Variants in UBASH3B observed in about 807,000 individuals in gnomAD.
The protein encoded by UBASH3B is ubiquitin associated and SH3 domain containing B, also known as ubiquitin-associated and SH3 domain-containing protein B.
UBASH3B carries 37 observed loss-of-function variants against 83.4 expected under a neutral mutation model. The ratio of observed to expected loss-of-function variants is 0.44; its 90% CI spans 0.34 to 0.58. UBASH3B has a LOEUF of 0.58. UBASH3B is among the 20% of genes least tolerant of loss of function. The pLI is 0.01. For synonymous variants in UBASH3B, 304 were observed against 318.3 expected (o/e 0.96, Z 0.48); for missense variants, 657 against 827.2 (o/e 0.79, Z 2.52).
chr11:122,723,825 G>A (rs1457617632), intron 1 of UBASH3B, among the ~76,000 whole-genome samples: 1 of 152,250 alleles, frequency 6.6e-6, no homozygotes, highest in Non-Finnish European at 1.5e-5. Context: ...GTAATAGGAA[G>A]GAGGCAGGGT....
intron 1 of UBASH3B, among the ~76,000 whole-genome samples, chr11:122,679,167 A>G (rs1273584509): frequency 6.6e-6 from 1 of 152,118 alleles, no homozygotes; most frequent in East Asian, 1.9e-4. Flanking sequence ...GAGTTGGGCA[A>G]CTGGACATGT....
At chr11:122,725,981 T>C (rs150343864) in intron 1 of UBASH3B, among the ~76,000 whole-genome samples, 2,470 of 152,254 alleles carry the variant, frequency 0.016, 69 homozygotes, top group African/African-American at 0.055. Context: ...CGTGAGCCAC[T>C]GCACCCGGCC....
chr11:122,705,728 C>T (rs545446047), intron 1 of UBASH3B, among the ~76,000 whole-genome samples: 4 of 152,164 alleles, frequency 2.6e-5, no homozygotes, highest in Non-Finnish European at 5.9e-5. Context: ...CATCCACTGC[C>T]ATCTACCACC....
chr11:122,687,115 C>T (rs371181967), intron 1 of UBASH3B, among the ~76,000 whole-genome samples: 7 of 152,270 alleles, frequency 4.6e-5, no homozygotes, highest in South Asian at 2.1e-4. Flanking sequence ...GCTATCCACT[C>T]GCCTTGGCCT....
Position 122,809,897 on chromosome 11 carries a change from T to G in UBASH3B, c.*11T>G. On this transcript the variant is annotated 3_prime_UTR_variant, in exon 14 of 14. Transcript: ENST00000284273. ...TTGCTTCAAGAATAAACCACACCAG[T>G]GAACAAGAAGGAAAGGCCTTTTGGA... 2 of 1,611,962 alleles carry G rather than the reference T, an allele frequency of 1.2e-6. No homozygotes were observed. Among genetic ancestry groups the G allele is most frequent in the Non-Finnish European group, 8.5e-7 (1 of 1,179,492 alleles).
chr11:122,667,037 CTTTTTTTT>C (rs148029449), intron 1 of UBASH3B, among the ~76,000 whole-genome samples: 3 of 101,544 alleles, frequency 3.0e-5, no homozygotes, highest in African/African-American at 1.1e-4. Context: ...TAATGGCATT[CTTTTTTTT>C]TTTTTTTTTT....
Position 122,806,460 on chromosome 11 carries a change from A to G in UBASH3B, c.1646A>G (p.Tyr549Cys). 3 of 1,606,934 alleles carry G rather than the reference A, an allele frequency of 1.9e-6. No individual in the cohort carries two copies. The highest frequency in any genetic ancestry group is 8.5e-7 in the Non-Finnish European group (1 of 1,177,714). Residue 549 changes from tyrosine to cysteine, a missense_variant, in exon 12 of 14, where the codon TAT becomes TGT. Coordinates refer to ENST00000284273, the MANE Select transcript of UBASH3B (RefSeq NM_032873.5). This position sits in a 1 kb window ranked among gnomAD's most constrained non-coding sequence, Gnocchi z 4.0. ...KLVVSESYDT[Y>C]ISRSFQVTKE... ...GTTGTTTCAGAATCCTATGATACTT[A>G]TATCAGTAGAAGTTTCCAAGTAACA...
chr11:122,718,103 G>A (rs985874156), intron 1 of UBASH3B, among the ~76,000 whole-genome samples: 4 of 151,926 alleles, frequency 2.6e-5, no homozygotes, highest in African/African-American at 9.7e-5. Flanking sequence ...TGTATTTTTA[G>A]TAGTAGAGAC....
chr11:122,783,366 C>A, intron 5 of UBASH3B, 144 bp downstream of exon 5: 1 of 992,502 alleles, frequency 1.0e-6, no homozygotes, highest in Non-Finnish European at 1.4e-6. Context: ...AGGATTGTGT[C>A]CAGCCTCTGC....
Position 122,761,125 on chromosome 11 carries a change from G to A in UBASH3B, c.162-15094G>A, listed in dbSNP as rs546117648. 5.3e-5 allele frequency among the ~76,000 whole-genome samples: 8 copies of A among 152,260 alleles called. No homozygotes were observed. The East Asian group carries it at 1.3e-3, about 26-fold the overall frequency. On this transcript the variant is annotated intron_variant, in intron 1 of 13. Transcript: ENST00000284273. ...CACGAGAGTGTCAGTTGGCAGGGCC[G>A]AGGTGGCAGAGGAGGGTTTCTCTTA...
At chr11:122,736,691 C>A (rs372942104) in intron 1 of UBASH3B, among the ~76,000 whole-genome samples, 4 of 152,054 alleles carry the variant, frequency 2.6e-5, no homozygotes, top group South Asian at 4.2e-4. Flanking sequence ...AAGTAATTAA[C>A]TACAAGCAGA....
At chr11:122,730,706 C>T (rs1305198084) in intron 1 of UBASH3B, among the ~76,000 whole-genome samples, 1 of 151,988 alleles carries the variant, frequency 6.6e-6, no homozygotes, top group Non-Finnish European at 1.5e-5. Context: ...AGTGATTCTC[C>T]TGCCTCAGCC....
rs1329318169 is a variant in UBASH3B at position 122,783,008 on chromosome 11, T to A, written c.602-45T>A. 1.9e-6 allele frequency: 3 copies of A among 1,584,624 alleles called. No individual in the cohort carries two copies. The South Asian group carries it at 3.5e-5, about 18-fold the overall frequency. ...TTTCCTTAAGTCTTCACCATTGCTATCATCACCACCTTTTAATTACTGACC... is the reference window on the plus strand; with the variant it reads ...TTTCCTTAAGTCTTCACCATTGCTAACATCACCACCTTTTAATTACTGACC... On this transcript the variant is annotated intron_variant, in intron 4 of 13. Transcript: ENST00000284273.
At chr11:122,744,716 G>GTA (rs397713233) in intron 1 of UBASH3B, among the ~76,000 whole-genome samples, 1 of 151,656 alleles carries the variant, frequency 6.6e-6, no homozygotes, top group Non-Finnish European at 1.5e-5. Flanking sequence ...AACTGTGTGT[G>GTA]ACCTGATGTG....
In UBASH3B at chr11:122,694,954, C is replaced by CTTTTTTTTT. The variant is rs71054088; in HGVS notation, c.161+38763_161+38771dup. 3.2e-3 allele frequency among the ~76,000 whole-genome samples: 160 copies of CTTTTTTTTT among 50,418 alleles called. 6 individuals carry two copies. The highest frequency in any genetic ancestry group is 3.8e-3 in the Admixed American group (10 of 2,612). The allele number at this position is 50,418 out of a possible 152,430, so 33.1% of individuals were successfully genotyped here. A position where few individuals can be genotyped will look rare whatever the true frequency, so the allele number is the denominator to read the frequency against. On this transcript the variant is annotated intron_variant, in intron 1 of 13. Transcript: ENST00000284273. ...TATTTATTTTTCTTTTCTTTTCTTT[C>CTTTTTTTTT]TTTTTTTTTTTTTTTTTTTTTTTTT...
chr11:122,722,583 T>A (rs148775502), intron 1 of UBASH3B, among the ~76,000 whole-genome samples: 119 of 152,328 alleles, frequency 7.8e-4, no homozygotes, highest in Non-Finnish European at 1.3e-3. Context: ...AAGCTCCAGC[T>A]TGGTAGAAAA....
At position 122,810,980 on chromosome 11, in the gene UBASH3B, A is replaced by T. The variant is rs941398757; in HGVS notation, c.*1094A>T. On this transcript the variant is annotated 3_prime_UTR_variant, in exon 14 of 14. Transcript: ENST00000284273. ...ATAGTAAGTCAGGGAACTAATATAA[A>T]TGATGACAGTCATGGCTGCACTGCT... 3.9e-5 allele frequency: 6 copies of T among 152,256 alleles called. No individual in the cohort carries two copies. Among genetic ancestry groups the T allele is most frequent in the Admixed American group, 3.9e-4 (6 of 15,272 alleles). 9.4% of individuals were successfully genotyped at this position (152,256 alleles called of 1,614,324 possible). A position where few individuals can be genotyped will look rare whatever the true frequency, so the allele number is the denominator to read the frequency against.
At chr11:122,693,347 C>T (rs1043066825) in intron 1 of UBASH3B, among the ~76,000 whole-genome samples, 1 of 152,046 alleles carries the variant, frequency 6.6e-6, no homozygotes, top group Non-Finnish European at 1.5e-5. Context: ...GGCTCAGAGG[C>T]CTGACAATAA....
intron 1 of UBASH3B, among the ~76,000 whole-genome samples, chr11:122,725,550 G>A (rs145170559): frequency 1.9e-5 from 1 of 52,638 alleles, no homozygotes; most frequent in Non-Finnish European, 3.7e-5. Flanking sequence ...TCGTTCTGTA[G>A]GTGCAGTAGC....
Sources: gnomAD v4.1 joint callset for allele counts (sites outside exome capture counted in the v4.1 genomes callset) on GRCh38, gnomAD v4.1.1 for gene constraint, Gnocchi (gnomAD v3.1) non-coding constraint, MANE v1.5 for transcripts, NCBI Gene and HGNC (gene_info 2026-07-23, HGNC 2026-07-21) for gene names.